The following UGT1A3 variants were observed in gnomAD, a reference collection of about 807,000 sequenced individuals.
UGT1A3 encodes the protein UDP-glucuronosyltransferase 1A3.
In UGT1A3, 31 loss-of-function variants were observed where a neutral mutation model predicts 41.0. That is an observed-to-expected ratio of 0.76 (90% CI 0.57 to 1.02). UGT1A3 has a LOEUF of 1.02. UGT1A3 is among the 50% of genes least tolerant of loss of function. The pLI, the probability that UGT1A3 is intolerant of heterozygous loss-of-function variation, is 0.00. For synonymous variants in UGT1A3, 262 were observed against 257.6 expected (o/e 1.02, Z -0.17); for missense variants, 737 against 671.0 (o/e 1.10, Z -1.09).
At chr2:233,760,185 T>G in intron 1 of UGT1A3, 4 of 1,555,156 alleles carry the variant, frequency 2.6e-6, no homozygotes, top group Non-Finnish European at 3.5e-6. Context: ...CTTTTTATAG[T>G]CACGTGACAC....
Position 233,769,621 on chromosome 2 carries a change from A to G in UGT1A3, c.1307+1182A>G. 2 of 1,612,498 alleles carry G rather than the reference A, an allele frequency of 1.2e-6. No homozygotes were observed. The highest frequency in any genetic ancestry group is 1.7e-5 in the Admixed American group (1 of 59,994). On this transcript the variant is annotated intron_variant, in intron 4 of 4. Transcript: ENST00000482026. The surrounding 1 kb of genome is among the most constrained non-coding windows in gnomAD (Gnocchi z 4.4). Reference sequence around the variant, plus strand: ...ACACGGGGACACACCAGCTTGAGCAAGGGACAACAGGGGAGGACTGATGAC... The same window carrying G: ...ACACGGGGACACACCAGCTTGAGCAGGGGACAACAGGGGAGGACTGATGAC...
At chr2:233,737,362 C>G (rs1215274347) in intron 1 of UGT1A3, among the ~76,000 whole-genome samples, 2 of 152,208 alleles carry the variant, frequency 1.3e-5, no homozygotes, top group East Asian at 3.9e-4. Context: ...AGCTGCTAAG[C>G]CAGGCAGGGG....
In UGT1A3 at chr2:233,769,857, C is replaced by CAAA. The variant is rs879204025; in HGVS notation, c.1307+1433_1307+1435dup. 4.7e-4 allele frequency: 105 copies of CAAA among 224,472 alleles called. No individual in the cohort carries two copies. Among genetic ancestry groups the CAAA allele is most frequent in the South Asian group, 1.3e-3 (12 of 9,146 alleles). The allele number at this position is 224,472 out of a possible 1,614,324, so 13.9% of individuals were successfully genotyped here. ...TGGGCAACAGAGTGAGACCCTGTCT[C>CAAA]AAAAAAAAAAAAAAAAATGAAAAGT... On this transcript the variant is annotated intron_variant, in intron 4 of 4. Coordinates refer to ENST00000482026, the MANE Select transcript of UGT1A3 (RefSeq NM_019093.4). This position sits in a 1 kb window ranked among gnomAD's most constrained non-coding sequence, Gnocchi z 4.4.
chr2:233,747,592 C>G (rs1434418426), intron 1 of UGT1A3: 13 of 1,575,650 alleles, frequency 8.3e-6, no homozygotes, highest in Admixed American at 6.7e-5. Flanking sequence ...TTTCATAGGT[C>G]TTGTGTGGAG....
chr2:233,767,823 C>T (rs763238770), intron 2 of UGT1A3, 26 bp from the exon 3 acceptor site: 36 of 1,614,026 alleles, frequency 2.2e-5, no homozygotes, highest in Non-Finnish European at 2.7e-5. Context: ...TCTTTCTTTA[C>T]GTTCTGCTCT....
At chr2:233,747,007 G>A (rs1207556963) in intron 1 of UGT1A3, among the ~76,000 whole-genome samples, 1 of 151,856 alleles carries the variant, frequency 6.6e-6, no homozygotes, top group Non-Finnish European at 1.5e-5. Context: ...TTTCAAGTAG[G>A]AGTGATCGGT....
intron 1 of UGT1A3, among the ~76,000 whole-genome samples, chr2:233,756,977 A>G (rs1696373315): frequency 6.6e-6 from 1 of 152,008 alleles, no homozygotes; most frequent in South Asian, 2.1e-4. Flanking sequence ...CACGCAATGA[A>G]CAGTCATAGT....
intron 1 of UGT1A3, among the ~76,000 whole-genome samples, chr2:233,763,057 G>T (rs920282385): frequency 6.6e-6 from 1 of 152,282 alleles, no homozygotes; most frequent in South Asian, 2.1e-4. Context: ...TATTGATTTA[G>T]ATAATTTCCT....
chr2:233,769,449 G>A lies in UGT1A3; in HGVS notation c.1307+1010G>A, dbSNP rs538754639. ...GCTGTGCTCATGTGTGGGTGCACAC[G>A]TGTGCATTCATATGCGTGTGTGTGT... On this transcript the variant is annotated intron_variant, in intron 4 of 4. Coordinates refer to ENST00000482026, the MANE Select transcript of UGT1A3 (RefSeq NM_019093.4). The surrounding 1 kb of genome is among the most constrained non-coding windows in gnomAD (Gnocchi z 4.4). The A allele has an allele frequency of 8.2e-5, 130 of 1,580,920 alleles. 1 individual carries two copies. The highest frequency in any genetic ancestry group is 7.2e-4 in the African/African-American group (54 of 74,488).
intron 1 of UGT1A3, chr2:233,747,418 T>A: frequency 6.2e-7 from 1 of 1,607,692 alleles, no homozygotes; most frequent in Non-Finnish European, 8.5e-7. Flanking sequence ...AATATGCACA[T>A]CAAACAAGAG....
At chr2:233,767,195 T>C (rs1699333145) in intron 2 of UGT1A3, 30 bp downstream of exon 2, 10 of 1,613,760 alleles carry the variant, frequency 6.2e-6, no homozygotes, top group Non-Finnish European at 6.8e-6. Context: ...TGGCCTCATA[T>C]CTATTTTCAC....
chr2:233,771,905 G>T (rs1048759513), intron 4 of UGT1A3, among the ~76,000 whole-genome samples: 4 of 151,250 alleles, frequency 2.6e-5, no homozygotes, highest in Non-Finnish European at 5.9e-5. Flanking sequence ...CCTTTCAGGT[G>T]ATAATAGTAA....
At chr2:233,760,370 G>A in intron 1 of UGT1A3, 1 of 1,614,148 alleles carries the variant, frequency 6.2e-7, no homozygotes, top group Non-Finnish European at 8.5e-7. Context: ...TCCCATGCTG[G>A]GAAGATACTG....
At position 233,729,385 on chromosome 2, in the gene UGT1A3, G is replaced by C. The variant is rs1328190991; in HGVS notation, c.259G>C (p.Asp87His). 6.2e-7 allele frequency: 1 copy of C among 1,613,836 alleles called. No individual in the cohort carries two copies. Among genetic ancestry groups the C allele is most frequent in the Admixed American group, 1.7e-5 (1 of 60,006 alleles). Reference sequence around the variant, plus strand: ...AACCTATGCCATTTCGTGGACCCAGGATGAATTTGATCGCCATGTGCTGGG... The same window carrying C: ...AACCTATGCCATTTCGTGGACCCAGCATGAATTTGATCGCCATGTGCTGGG... The part of the protein sequence containing the change: ...LTTYAISWTQ[D>H]EFDRHVLGHT... The change falls in exon 1 of 5, where the codon GAT (aspartate) becomes CAT (histidine). Residue 87 changes from aspartate to histidine, a missense_variant. Asp to His is a moderately conservative substitution (Grantham distance 81). Coordinates refer to ENST00000482026, the MANE Select transcript of UGT1A3 (RefSeq NM_019093.4).
chr2:233,754,906 T>C, intron 1 of UGT1A3: 3 of 1,351,506 alleles, frequency 2.2e-6, no homozygotes, highest in South Asian at 1.1e-5. Flanking sequence ...CCCCCCAAAA[T>C]ATTCTCCAGC....
intron 1 of UGT1A3, chr2:233,761,173 T>G (rs771182197): frequency 9.9e-6 from 16 of 1,614,128 alleles, no homozygotes; most frequent in Middle Eastern, 3.3e-4. Context: ...AGTGGGACTT[T>G]TACATGCGTA....
At chr2:233,738,068 C>G (rs1312345006) in intron 1 of UGT1A3, among the ~76,000 whole-genome samples, 1 of 152,082 alleles carries the variant, frequency 6.6e-6, no homozygotes, top group Non-Finnish European at 1.5e-5. Context: ...GGGAGGTCCC[C>G]ACCTCCTAAT....
chr2:233,730,153 G>T (rs1158500294), intron 1 of UGT1A3, among the ~76,000 whole-genome samples, 160 bp downstream of exon 1: 1 of 152,204 alleles, frequency 6.6e-6, no homozygotes, highest in East Asian at 1.9e-4. Flanking sequence ...CTGTTAAGGG[G>T]TCTCTAGTAG....
intron 1 of UGT1A3, chr2:233,760,693 C>T (rs1697531217): frequency 1.9e-6 from 3 of 1,614,162 alleles, no homozygotes; most frequent in Non-Finnish European, 2.5e-6. Flanking sequence ...CAACAAGGAG[C>T]TCATGGCCTC....
Sources: gnomAD v4.1 joint callset for allele counts (sites outside exome capture counted in the v4.1 genomes callset) on GRCh38, gnomAD v4.1.1 for gene constraint, Gnocchi (gnomAD v3.1) non-coding constraint, MANE v1.5 for transcripts, NCBI Gene and HGNC (gene_info 2026-07-23, HGNC 2026-07-21) for gene names.